The following FLVCR2 variants were observed in gnomAD, a reference collection of about 807,000 sequenced individuals.
FLVCR2 encodes the protein choline/ethanolamine transporter FLVCR2.
A neutral mutation model predicts 48.9 loss-of-function variants in FLVCR2; 38 were observed. The observed-to-expected ratio is 0.78, with a 90% confidence interval of 0.60 to 1.02. The LOEUF is 1.02. FLVCR2 is among the 50% of genes least tolerant of loss of function. The pLI is 0.00. For synonymous variants in FLVCR2, 255 were observed against 257.0 expected (o/e 0.99, Z 0.07); for missense variants, 664 against 663.3 (o/e 1.00, Z -0.01).
At chr14:75,582,738 G>A (rs948585557) in intron 1 of FLVCR2, among the ~76,000 whole-genome samples, 5 of 152,150 alleles carry the variant, frequency 3.3e-5, no homozygotes, top group Non-Finnish European at 7.4e-5. Flanking sequence ...TTTAAGGAAC[G>A]GAAAGAGGAG....
At chr14:75,596,784 C>A (rs900764905) in intron 1 of FLVCR2, among the ~76,000 whole-genome samples, 4 of 104,542 alleles carry the variant, frequency 3.8e-5, no homozygotes, top group Admixed American at 9.3e-5. Context: ...TCTTTTGCCC[C>A]CCCCCCCCGC....
intron 5 of FLVCR2, 55 bp downstream of exon 5, chr14:75,635,068 A>G: frequency 3.4e-6 from 4 of 1,171,348 alleles, no homozygotes; most frequent in Middle Eastern, 1.9e-4. Flanking sequence ...TTGAAATGAC[A>G]TATTCATAAG....
intron 1 of FLVCR2, among the ~76,000 whole-genome samples, chr14:75,609,097 G>A (rs536954735): frequency 6.6e-6 from 1 of 152,110 alleles, no homozygotes; most frequent in South Asian, 2.1e-4. Context: ...ATGCACCATA[G>A]CCTTTATTTT....
intron 1 of FLVCR2, 75 bp from the exon 2 acceptor site, chr14:75,622,004 A>G (rs1889778986): frequency 6.9e-7 from 1 of 1,448,954 alleles, no homozygotes; most frequent in African/African-American, 1.4e-5. Context: ...ATTTCTTATT[A>G]GGAATCTCTT....
At chr14:75,609,620 G>A (rs1889386746) in intron 1 of FLVCR2, among the ~76,000 whole-genome samples, 1 of 152,164 alleles carries the variant, frequency 6.6e-6, no homozygotes, top group African/African-American at 2.4e-5. Flanking sequence ...CAGAGGAACT[G>A]GGTTTTGCCC....
At chr14:75,605,878 C>G in intron 1 of FLVCR2, 1 of 504,446 alleles carries the variant, frequency 2.0e-6, no homozygotes. Context: ...CCTGGAAACT[C>G]CTGATTTCTG....
At chr14:75,582,929 G>T (rs1255741736) in intron 1 of FLVCR2, among the ~76,000 whole-genome samples, 1 of 152,216 alleles carries the variant, frequency 6.6e-6, no homozygotes, top group Admixed American at 6.5e-5. Context: ...GACACGATCA[G>T]CAGGGAGAGC....
intron 9 of FLVCR2, among the ~76,000 whole-genome samples, chr14:75,645,777 G>A (rs1156848884): frequency 6.6e-6 from 1 of 152,012 alleles, no homozygotes; most frequent in Non-Finnish European, 1.5e-5. Flanking sequence ...AATTAACTGG[G>A]CATGGTGGTG....
chr14:75,593,805 A>G (rs748040649), intron 1 of FLVCR2, among the ~76,000 whole-genome samples: 1 of 152,184 alleles, frequency 6.6e-6, no homozygotes, highest in Non-Finnish European at 1.5e-5. Context: ...CCTTCTGTCT[A>G]CTAATTTTTT....
chr14:75,592,258 CACTCT>C (rs1888903597), intron 1 of FLVCR2, among the ~76,000 whole-genome samples: 1 of 152,062 alleles, frequency 6.6e-6, no homozygotes, highest in South Asian at 2.1e-4. Context: ...CCACAGCTTG[CACTCT>C]CCAGAGCAGT....
intron 1 of FLVCR2, among the ~76,000 whole-genome samples, chr14:75,608,171 A>G: frequency 6.6e-6 from 1 of 152,188 alleles, no homozygotes; most frequent in East Asian, 1.9e-4. Context: ...CATGCCCTCC[A>G]TGTAGAGGGC....
At chr14:75,641,586 G>A (rs890458246) in intron 8 of FLVCR2, among the ~76,000 whole-genome samples, 5 of 152,194 alleles carry the variant, frequency 3.3e-5, no homozygotes, top group African/African-American at 9.7e-5. Flanking sequence ...GGATTGTTGT[G>A]ATGATTAGAG....
intron 1 of FLVCR2, among the ~76,000 whole-genome samples, chr14:75,602,100 A>T (rs1310319971): frequency 6.6e-6 from 1 of 152,190 alleles, no homozygotes; most frequent in Admixed American, 6.5e-5. Flanking sequence ...GGAAATTGGG[A>T]TGGGGATTGT....
intron 1 of FLVCR2, among the ~76,000 whole-genome samples, chr14:75,608,963 G>A (rs1889367780): frequency 6.6e-6 from 1 of 152,076 alleles, no homozygotes; most frequent in Non-Finnish European, 1.5e-5. Context: ...TGCTTGTCCT[G>A]AATTGCATCC....
chr14:75,602,982 G>A (rs960856137), intron 1 of FLVCR2, among the ~76,000 whole-genome samples: 17 of 152,122 alleles, frequency 1.1e-4, no homozygotes, highest in Non-Finnish European at 1.5e-5. Context: ...TGTACCTGCT[G>A]GGTCTGTTCC....
intron 3 of FLVCR2, among the ~76,000 whole-genome samples, chr14:75,628,928 T>G (rs1188996807): frequency 6.6e-6 from 1 of 152,248 alleles, no homozygotes; most frequent in East Asian, 1.9e-4. Flanking sequence ...TGCTATTGCA[T>G]TGGTAAACTT....
chr14:75,583,524 A>AGGT (rs1157353099), intron 1 of FLVCR2, among the ~76,000 whole-genome samples: 2 of 152,104 alleles, frequency 1.3e-5, no homozygotes, highest in East Asian at 3.8e-4. Context: ...TTGTGGGTTA[A>AGGT]GGTGGGGGGA....
chr14:75,579,036 C>A lies in FLVCR2; in HGVS notation c.64C>A (p.Gln22Lys), dbSNP rs371981338. ...CACCCCTGTGCCGGAGTCCGCACTC[C>A]AAGCGGACCCCAGCGTCTCGGTCCA... ...DDTPVPESAL[Q>K]ADPSVSVHPS... Residue 22 changes from glutamine (Q) to lysine (K), a missense_variant, in exon 1 of 10, where the codon CAA (glutamine) becomes AAA (lysine). By Grantham distance (53) the Gln-to-Lys change is moderately conservative. Coordinates refer to ENST00000238667, the MANE Select transcript of FLVCR2 (RefSeq NM_017791.3). 1.2e-6 allele frequency: 2 copies of A among 1,613,984 alleles called. No individual in the cohort carries two copies. The highest frequency in any genetic ancestry group is 1.7e-6 in the Non-Finnish European group (2 of 1,179,998).
In FLVCR2 at chr14:75,613,791, TCC is replaced by T. The variant is rs1248618553; in HGVS notation, c.670-8287_670-8286del. ...GTCTCAAACTCCTGACCTCAAATGA[TCC>T]ACCCACCTTGGCCTCCCAAAGTGCT... On this transcript the variant is annotated intron_variant, in intron 1 of 9. Coordinates refer to ENST00000238667, the MANE Select transcript of FLVCR2 (RefSeq NM_017791.3). 3.5e-4 allele frequency among the ~76,000 whole-genome samples: 53 copies of T among 152,270 alleles called. 1 individual carries two copies. The highest frequency in any genetic ancestry group is 3.4e-3 in the Middle Eastern group (1 of 294).
Sources: allele counts gnomAD v4.1 joint callset (sites outside exome capture counted in the v4.1 genomes callset), GRCh38; gene constraint gnomAD v4.1.1; transcripts MANE v1.5; gene names NCBI Gene and HGNC (gene_info 2026-07-23, HGNC 2026-07-21).